RPTOR: variants seen among roughly 807,000 people sequenced by gnomAD.
The protein encoded by RPTOR is regulatory associated protein of MTOR complex 1, also known as regulatory-associated protein of mTOR.
A neutral mutation model predicts 169.9 loss-of-function variants in RPTOR; 21 were observed. That is an observed-to-expected ratio of 0.12 (90% confidence interval 0.09 to 0.18). The LOEUF (loss-of-function observed/expected upper bound fraction) is 0.18, where lower values mean the gene tolerates loss of function less well. Among genes scored for constraint, RPTOR ranks in the 10% least tolerant of loss-of-function variants. The pLI, the probability that RPTOR is intolerant of heterozygous loss-of-function variation, is 1.00. For missense variants in RPTOR, 1,133 were observed against 1,855.9 expected, an observed-to-expected ratio of 0.61 and a Z score of 7.16; for synonymous variants, 732 against 753.2, an observed-to-expected ratio of 0.97 and a Z score of 0.46.
At chr17:80,919,912 G>A (rs558014446) in intron 21 of RPTOR, among the ~76,000 whole-genome samples, 50 of 152,344 alleles carry the variant, frequency 3.3e-4, no homozygotes, top group African/African-American at 9.4e-4. Context: ...CGAGTGAGCC[G>A]GGGCTCTGGG....
intron 6 of RPTOR, among the ~76,000 whole-genome samples, chr17:80,765,330 T>C (rs1263796619): frequency 6.6e-6 from 1 of 152,212 alleles, no homozygotes; most frequent in African/African-American, 2.4e-5. Context: ...CAGCAGGCTT[T>C]GGGAGGTGAG....
chr17:80,640,175 C>G (rs144652761), intron 2 of RPTOR, among the ~76,000 whole-genome samples: 1 of 149,990 alleles, frequency 6.7e-6, no homozygotes, highest in African/African-American at 2.4e-5. Flanking sequence ...CACACTCACT[C>G]GCCGCTGAAG....
rs374291298 is a variant in RPTOR, at chr17:80,893,975, G to T, written c.2401+110G>T. ...AGGTCAGTGGGTGTCAAAACTGTCT[G>T]TTCAAAAGAAAGAATAAAGGTCAAC... On this transcript the variant is annotated intron_variant, in intron 20 of 33. Coordinates refer to ENST00000306801, the MANE Select transcript of RPTOR (RefSeq NM_020761.3). 4.3e-5 allele frequency: 50 copies of T among 1,153,936 alleles called. No individual in the cohort carries two copies. The East Asian group carries it at 1.2e-3, about 29-fold the overall frequency. The allele number at this position is 1,153,936 out of a possible 1,614,324, so 71.5% of individuals were successfully genotyped here. A position where few individuals can be genotyped will look rare whatever the true frequency, so the allele number is the denominator to read the frequency against.
At chr17:80,652,005 T>C (rs1301172017) in intron 3 of RPTOR, among the ~76,000 whole-genome samples, 2 of 114,036 alleles carry the variant, frequency 1.8e-5, no homozygotes, top group Non-Finnish European at 3.5e-5. Context: ...TGAGACTCCG[T>C]CTCAAAAAAA....
intron 32 of RPTOR, 30 bp from the exon 33 acceptor site, chr17:80,962,898 G>T: frequency 6.2e-7 from 1 of 1,612,634 alleles, no homozygotes; most frequent in Non-Finnish European, 8.5e-7. Flanking sequence ...GAAGAGGGCA[G>T]TGATGCCGGG....
intron 6 of RPTOR, among the ~76,000 whole-genome samples, chr17:80,777,742 T>C (rs1359500559): frequency 6.6e-6 from 1 of 152,272 alleles, no homozygotes; most frequent in Non-Finnish European, 1.5e-5. Context: ...CTGTTACGTC[T>C]AGGCCTTTGG....
At chr17:80,805,995 A>G (rs2067214907) in intron 7 of RPTOR, among the ~76,000 whole-genome samples, 1 of 152,242 alleles carries the variant, frequency 6.6e-6, no homozygotes, top group African/African-American at 2.4e-5. Flanking sequence ...TACTAGGGGA[A>G]CCATTAAATA....
At chr17:80,925,309 G>A in intron 23 of RPTOR, 61 bp from the exon 24 acceptor site, 1 of 1,435,278 alleles carries the variant, frequency 7.0e-7, no homozygotes, top group Non-Finnish European at 9.7e-7. Flanking sequence ...TTTGAGCTCA[G>A]GAGTGGCATG....
Position 80,940,679 on chromosome 17 carries a change from C to T in RPTOR, c.3025+78C>T, listed in dbSNP as rs533685030. 5.0e-6 allele frequency: 6 copies of T among 1,201,448 alleles called. No homozygotes were observed. The South Asian group carries it at 6.7e-5, about 13-fold the overall frequency. The allele number at this position is 1,201,448 out of a possible 1,614,324, so 74.4% of individuals were successfully genotyped here. Reference sequence around the variant, plus strand: ...GGCGAGGGTCCCCTGTGAGCAGGCCCCCCGCGGCCCACGCACAACCTTCTC... The same window carrying T: ...GGCGAGGGTCCCCTGTGAGCAGGCCTCCCGCGGCCCACGCACAACCTTCTC... On this transcript the variant is annotated intron_variant, in intron 25 of 33. Transcript: ENST00000306801.
chr17:80,945,071 A>G (rs1340838229), intron 25 of RPTOR, among the ~76,000 whole-genome samples: 1 of 151,806 alleles, frequency 6.6e-6, no homozygotes, highest in African/African-American at 2.4e-5. Flanking sequence ...AGGCGGGAGG[A>G]TCGCTCGAGC....
At chr17:80,782,369 G>C (rs780224157) in intron 6 of RPTOR, among the ~76,000 whole-genome samples, 3 of 151,334 alleles carry the variant, frequency 2.0e-5, no homozygotes, top group Non-Finnish European at 4.4e-5. Flanking sequence ...TAATTTAAAA[G>C]AATCACTTTA....
chr17:80,836,158 C>T (rs545167057), intron 9 of RPTOR, among the ~76,000 whole-genome samples: 113 of 152,316 alleles, frequency 7.4e-4, no homozygotes, highest in African/African-American at 2.2e-3. Flanking sequence ...ATCCTCCGGG[C>T]GAGGCAGCGA....
At chr17:80,882,829 A>G (rs1400796718) in intron 14 of RPTOR, among the ~76,000 whole-genome samples, 5 of 152,222 alleles carry the variant, frequency 3.3e-5, no homozygotes, top group African/African-American at 9.6e-5. Context: ...CAATAATCCA[A>G]GGAGCCCTGC....
chr17:80,939,814 G>A (rs541690542), intron 24 of RPTOR, among the ~76,000 whole-genome samples: 92 of 152,170 alleles, frequency 6.0e-4, no homozygotes, highest in Non-Finnish European at 7.9e-4. Context: ...AGCGGCATTC[G>A]GTGCCCCCCT....
chr17:80,837,907 C>G lies in RPTOR; in HGVS notation c.1137-15C>G. ...GTCCATAATGCTCAGTGGATTTCCT[C>G]TGTTCTCTCCGCAGGCAAGCCTGGG... On this transcript the variant is annotated splice_polypyrimidine_tract_variant and intron_variant, in intron 9 of 33. Coordinates refer to ENST00000306801, the MANE Select transcript of RPTOR (RefSeq NM_020761.3). The G allele has an allele frequency of 6.2e-7, 1 of 1,607,604 alleles. No homozygotes were observed. Among genetic ancestry groups the G allele is most frequent in the Non-Finnish European group, 8.5e-7 (1 of 1,176,390 alleles).
intron 1 of RPTOR, among the ~76,000 whole-genome samples, chr17:80,550,571 C>G (rs771619956): frequency 5.3e-5 from 8 of 152,174 alleles, no homozygotes; most frequent in Admixed American, 2.0e-4. Flanking sequence ...GTCTCAGATG[C>G]CTACTGCCTG....
intron 21 of RPTOR, among the ~76,000 whole-genome samples, chr17:80,921,151 G>T (rs556706709): frequency 5.3e-5 from 8 of 152,358 alleles, no homozygotes; most frequent in African/African-American, 1.7e-4. Flanking sequence ...CAGGTTCAAG[G>T]TTCCTAAATT....
chr17:80,952,657 T>C (rs1016806999), intron 28 of RPTOR, among the ~76,000 whole-genome samples: 1 of 152,114 alleles, frequency 6.6e-6, no homozygotes, highest in African/African-American at 2.4e-5. Context: ...GTTCTCACCT[T>C]TTCCCTCTGT....
rs528018159 is a variant in RPTOR at position 80,823,404 on chromosome 17, C to T, written c.1136+181C>T. The T allele has an allele frequency of 6.3e-5, 48 of 758,258 alleles. No homozygotes were observed. The African/African-American group carries it at 7.7e-4, about 12-fold the overall frequency. 47.0% of individuals were successfully genotyped at this position (758,258 alleles called of 1,614,324 possible). A position where few individuals can be genotyped will look rare whatever the true frequency, so the allele number is the denominator to read the frequency against. On this transcript the variant is annotated intron_variant, in intron 9 of 33. Transcript: ENST00000306801. The surrounding 1 kb of genome is among the most constrained non-coding windows in gnomAD (Gnocchi z 4.5). ...GATCTCCACACAGAGGAGTGGGGGT[C>T]TCCTTCAGAGGGCAGAAGCCTTGGA... is the stretch of plus-strand genomic sequence containing the variant.
Sources: gnomAD v4.1 joint callset for allele counts (sites outside exome capture counted in the v4.1 genomes callset) on GRCh38, gnomAD v4.1.1 for gene constraint, Gnocchi (gnomAD v3.1) non-coding constraint, MANE v1.5 for transcripts, NCBI Gene and HGNC (gene_info 2026-07-23, HGNC 2026-07-21) for gene names.